Variants in DLG2 observed in about 807,000 individuals in gnomAD.
DLG2 encodes the protein disks large homolog 2.
In DLG2, 45 loss-of-function variants were observed where a neutral mutation model predicts 132.5. The observed-to-expected ratio is 0.34, with a 90% CI of 0.27 to 0.44. The LOEUF (loss-of-function observed/expected upper bound fraction) is 0.44. DLG2 is among the 20% of genes least tolerant of loss of function. The pLI is 1.00. For missense variants in DLG2, 1,045 were observed against 1,196.9 expected (o/e 0.87, Z 1.87); for synonymous variants, 424 against 419.6 (o/e 1.01, Z -0.13).
At chr11:84,849,213 A>C (rs1278490862) in intron 6 of DLG2, among the ~76,000 whole-genome samples, 1 of 152,202 alleles carries the variant, frequency 6.6e-6, no homozygotes, top group Non-Finnish European at 1.5e-5. Context: ...TACATAGCTG[A>C]AACAAGTCAA....
At chr11:85,312,448 T>C (rs117693202) in intron 3 of DLG2, among the ~76,000 whole-genome samples, 5,235 of 151,350 alleles carry the variant, frequency 0.035, 139 homozygotes, top group Admixed American at 0.048. Context: ...TATATTTAAA[T>C]TATAATTTAT....
At chr11:84,071,888 G>T (rs1319357681) in intron 10 of DLG2, among the ~76,000 whole-genome samples, 1 of 152,222 alleles carries the variant, frequency 6.6e-6, no homozygotes, top group African/African-American at 2.4e-5. Context: ...GAGGAAAAGA[G>T]AATCAGAGCC....
chr11:85,545,423 C>T (rs765498678), intron 3 of DLG2, among the ~76,000 whole-genome samples: 1 of 152,178 alleles, frequency 6.6e-6, no homozygotes, highest in Non-Finnish European at 1.5e-5. Context: ...CATCAACATT[C>T]ATCAGGGATA....
intron 7 of DLG2, among the ~76,000 whole-genome samples, chr11:84,347,197 G>GT (rs2098543044): frequency 6.6e-6 from 1 of 152,106 alleles, no homozygotes; most frequent in African/African-American, 2.4e-5. Flanking sequence ...TTAGGGTGCT[G>GT]CTGAATAAAT....
Position 83,508,403 on chromosome 11 carries a change from AT to A in DLG2, c.2194-24176del, listed in dbSNP as rs746968613. Among the ~76,000 whole-genome samples, 125 of 80,200 alleles carry A rather than the reference AT, an allele frequency of 1.6e-3. 2 individuals are homozygous for A. Among genetic ancestry groups the A allele is most frequent in the East Asian group, 9.0e-3 (29 of 3,234 alleles). 52.6% of individuals were successfully genotyped at this position (80,200 alleles called of 152,430 possible). A position where few individuals can be genotyped will look rare whatever the true frequency, so the allele number is the denominator to read the frequency against. ...AGGTGCACACCACCACGCCTGGCTA[AT>A]TTTTTTTTTTTTTTTTTTTTTAGTA... is the stretch of plus-strand genomic sequence containing the variant. On this transcript the variant is annotated intron_variant, in intron 21 of 27. Coordinates refer to ENST00000376104, the MANE Select transcript of DLG2 (RefSeq NM_001142699.3).
intron 19 of DLG2, among the ~76,000 whole-genome samples, chr11:83,546,808 A>T (rs1464942229): frequency 1.3e-5 from 2 of 152,166 alleles, no homozygotes; most frequent in African/African-American, 4.8e-5. Flanking sequence ...TGCAAAAAAG[A>T]TGCATGAGTA....
intron 15 of DLG2, among the ~76,000 whole-genome samples, chr11:83,903,990 A>T (rs1443707290): frequency 3.3e-5 from 5 of 152,228 alleles, no homozygotes; most frequent in Non-Finnish European, 7.3e-5. Context: ...ACAATAACTA[A>T]TAATAAAATA....
chr11:83,550,734 C>T (rs2096370140), intron 19 of DLG2, among the ~76,000 whole-genome samples: 1 of 152,182 alleles, frequency 6.6e-6, no homozygotes, highest in South Asian at 2.1e-4. Flanking sequence ...GGTTTTATGA[C>T]ACTTTCAAGA....
At chr11:85,180,326 A>G (rs1171070821) in intron 4 of DLG2, among the ~76,000 whole-genome samples, 1 of 151,874 alleles carries the variant, frequency 6.6e-6, no homozygotes, top group African/African-American at 2.4e-5. Flanking sequence ...TCTACAGTGC[A>G]TAACTGTATG....
chr11:83,543,832 A>G (rs1317106073), intron 19 of DLG2, among the ~76,000 whole-genome samples: 2 of 152,170 alleles, frequency 1.3e-5, no homozygotes, highest in Non-Finnish European at 2.9e-5. Flanking sequence ...AGCAGGCCTG[A>G]GACTGCTGTT....
chr11:85,343,323 T>C (rs2082622605), intron 3 of DLG2, among the ~76,000 whole-genome samples: 1 of 152,162 alleles, frequency 6.6e-6, no homozygotes, highest in African/African-American at 2.4e-5. Flanking sequence ...GTCTAACTGC[T>C]ACCAGAGTGA....
chr11:83,807,230 G>A (rs2046137606), intron 17 of DLG2, among the ~76,000 whole-genome samples: 1 of 152,168 alleles, frequency 6.6e-6, no homozygotes, highest in South Asian at 2.1e-4. Context: ...CATAAAAGCA[G>A]TCAAGGCTGT....
At chr11:85,203,008 T>C (rs1218130545) in intron 4 of DLG2, among the ~76,000 whole-genome samples, 1 of 150,584 alleles carries the variant, frequency 6.6e-6, no homozygotes, top group African/African-American at 2.4e-5. Flanking sequence ...AAACCCAACT[T>C]ATATTATTAA....
intron 11 of DLG2, among the ~76,000 whole-genome samples, chr11:84,008,406 C>T (rs1288151022): frequency 6.6e-6 from 1 of 151,878 alleles, no homozygotes; most frequent in Non-Finnish European, 1.5e-5. Context: ...ATGAAGTTAT[C>T]TCAATGATTG....
intron 6 of DLG2, among the ~76,000 whole-genome samples, chr11:84,819,364 A>G (rs1418653007): frequency 6.6e-6 from 1 of 151,936 alleles, no homozygotes; most frequent in Non-Finnish European, 1.5e-5. Flanking sequence ...CTTCCAGTGC[A>G]TGTCAGCAGT....
At chr11:83,764,467 G>A (rs2094051663) in intron 18 of DLG2, among the ~76,000 whole-genome samples, 1 of 152,252 alleles carries the variant, frequency 6.6e-6, no homozygotes, top group South Asian at 2.1e-4. Context: ...GGGGTGTGCA[G>A]GGAAGGGAGA....
At chr11:85,477,655 A>C (rs1286744021) in intron 3 of DLG2, among the ~76,000 whole-genome samples, 1 of 152,208 alleles carries the variant, frequency 6.6e-6, no homozygotes, top group Non-Finnish European at 1.5e-5. Context: ...TCTACCTAAA[A>C]CATACCATTT....
intron 9 of DLG2, among the ~76,000 whole-genome samples, chr11:84,154,984 A>G (rs567743149): frequency 6.2e-4 from 94 of 152,332 alleles, no homozygotes; most frequent in Admixed American, 4.0e-3. Flanking sequence ...GGCAACCTAC[A>G]GAATGGGAGA....
chr11:84,454,044 C>T (rs560246982), intron 7 of DLG2, among the ~76,000 whole-genome samples: 8 of 151,644 alleles, frequency 5.3e-5, no homozygotes, highest in African/African-American at 1.9e-4. Flanking sequence ...CAGGCTAGAT[C>T]ATATAAGGAG....
Sources: gnomAD v4.1 joint callset for allele counts (sites outside exome capture counted in the v4.1 genomes callset) on GRCh38, gnomAD v4.1.1 for gene constraint, MANE v1.5 for transcripts, NCBI Gene and HGNC (gene_info 2026-07-23, HGNC 2026-07-21) for gene names.